SCFD2: variants seen among roughly 807,000 people sequenced by gnomAD.
SCFD2 encodes the protein sec1 family domain-containing protein 2.
A neutral mutation model predicts 58.9 loss-of-function variants in SCFD2; 54 were observed. That is an observed-to-expected ratio of 0.92 (90% CI 0.74 to 1.15). SCFD2 has a LOEUF of 1.15. SCFD2 is among the 50% of genes most tolerant of loss of function. The pLI is 0.00. For synonymous variants in SCFD2, 321 were observed against 335.9 expected (o/e 0.96, Z 0.49); for missense variants, 805 against 836.6 (o/e 0.96, Z 0.47).
intron 4 of SCFD2, among the ~76,000 whole-genome samples, chr4:53,247,297 T>C (rs903681055): frequency 6.6e-6 from 1 of 152,188 alleles, no homozygotes; most frequent in Non-Finnish European, 1.5e-5. Flanking sequence ...TTGTACACTG[T>C]AGGTGGGAGT....
chr4:52,925,551 C>T (rs1428063382), intron 5 of SCFD2, among the ~76,000 whole-genome samples: 1 of 151,980 alleles, frequency 6.6e-6, no homozygotes, highest in Admixed American at 6.6e-5. Context: ...TGAGGCATCC[C>T]GGGCCTGGTT....
At chr4:53,271,520 T>C (rs1425541484) in intron 4 of SCFD2, among the ~76,000 whole-genome samples, 1 of 151,840 alleles carries the variant, frequency 6.6e-6, no homozygotes, top group Non-Finnish European at 1.5e-5. Context: ...TGAAGTGCAG[T>C]GGCACAATCT....
Position 53,365,734 on chromosome 4 carries a change from G to T in SCFD2, c.208C>A (p.Gln70Lys), listed in dbSNP as rs1432959421. 2.5e-6 allele frequency: 4 copies of T among 1,613,940 alleles called. No homozygotes were observed. In the Admixed American group the frequency reaches 5.0e-5, roughly 20 times the overall value. Residue 70 changes from glutamine (Q) to lysine (K), a missense_variant, in exon 1 of 9, where the codon CAG (glutamine) becomes AAG (lysine). By Grantham distance (53) the Gln-to-Lys change is moderately conservative. This residue lies in a region of SCFD2 where 155 missense variants were observed against 149.7 expected (regional missense o/e 1.04). Transcript: ENST00000401642. The surrounding 1 kb of genome is among the most constrained non-coding windows in gnomAD (Gnocchi z 4.3). ...CTCAGCACAAACACTGCCTTGGGCT[G>T]CTTGGCTCCACCACCAATTGCGTCG... ...EPDAIGGGAK[Q>K]PKAVFVLSCL...
At chr4:53,342,993 A>AC (rs1302498073) in intron 2 of SCFD2, among the ~76,000 whole-genome samples, 1 of 152,248 alleles carries the variant, frequency 6.6e-6, no homozygotes, top group Non-Finnish European at 1.5e-5. Flanking sequence ...CTAAATGCCC[A>AC]CAAGAGAAAG....
intron 4 of SCFD2, among the ~76,000 whole-genome samples, chr4:53,249,212 G>C (rs1427579909): frequency 2.0e-5 from 3 of 152,182 alleles, no homozygotes; most frequent in Admixed American, 6.5e-5. Context: ...ATCAGTGATG[G>C]AAGATGAAAT....
intron 4 of SCFD2, among the ~76,000 whole-genome samples, chr4:53,214,008 G>C (rs543902956): frequency 6.7e-6 from 1 of 149,974 alleles, no homozygotes; most frequent in South Asian, 2.1e-4. Flanking sequence ...TGGCTGCATA[G>C]TATCCCATGG....
chr4:53,217,308 T>C (rs1321044061), intron 4 of SCFD2, among the ~76,000 whole-genome samples: 2 of 152,208 alleles, frequency 1.3e-5, no homozygotes, highest in African/African-American at 4.8e-5. Flanking sequence ...TCTAAGGACT[T>C]GCTTTATGAA....
At chr4:53,093,295 A>G (rs1724525338) in intron 5 of SCFD2, among the ~76,000 whole-genome samples, 1 of 152,174 alleles carries the variant, frequency 6.6e-6, no homozygotes, top group Non-Finnish European at 1.5e-5. Flanking sequence ...TTTGACTTAT[A>G]TTTTTAAAAA....
chr4:53,290,718 G>A (rs1560430481), intron 3 of SCFD2, among the ~76,000 whole-genome samples: 2 of 150,970 alleles, frequency 1.3e-5, no homozygotes, highest in African/African-American at 4.9e-5. Flanking sequence ...GATTAACTCA[G>A]AAAAAAAAGA....
In SCFD2 at chr4:52,936,126, C is replaced by T. The variant is rs147962491; in HGVS notation, c.1562-15256G>A. ...TGCTGGGATTACAGGTGTGAGCCAC[C>T]GCACCCAGACTTCCTTTCCTTTTTC... On this transcript the variant is annotated intron_variant, in intron 5 of 8. Coordinates refer to ENST00000401642, the MANE Select transcript of SCFD2 (RefSeq NM_152540.4). Among the ~76,000 whole-genome samples, 1,332 of 152,224 alleles carry T rather than the reference C, an allele frequency of 8.8e-3. 10 individuals carry two copies. Among genetic ancestry groups the T allele is most frequent in the African/African-American group, 0.029 (1,207 of 41,522 alleles).
At chr4:53,038,351 A>G (rs1722814249) in intron 5 of SCFD2, among the ~76,000 whole-genome samples, 1 of 152,166 alleles carries the variant, frequency 6.6e-6, no homozygotes. Context: ...AAATCTGCCA[A>G]AATGAAATCA....
At chr4:53,155,321 T>C (rs1726643284) in intron 4 of SCFD2, among the ~76,000 whole-genome samples, 1 of 152,180 alleles carries the variant, frequency 6.6e-6, no homozygotes, top group Admixed American at 6.5e-5. Context: ...CCCTCATGGG[T>C]GGGACTGGTG....
chr4:53,119,140 A>G (rs572342446), intron 5 of SCFD2, among the ~76,000 whole-genome samples: 2 of 152,292 alleles, frequency 1.3e-5, no homozygotes, highest in East Asian at 1.9e-4. Context: ...CAACATAGTG[A>G]AACACTGTCT....
intron 5 of SCFD2, among the ~76,000 whole-genome samples, chr4:52,952,297 C>T (rs1474708202): frequency 1.3e-5 from 2 of 148,740 alleles, no homozygotes; most frequent in Non-Finnish European, 3.0e-5. Flanking sequence ...CCTCTCACAC[C>T]TCTGCCCCAA....
chr4:53,012,646 C>A (rs1278115533), intron 5 of SCFD2, among the ~76,000 whole-genome samples: 1 of 152,122 alleles, frequency 6.6e-6, no homozygotes, highest in Non-Finnish European at 1.5e-5. Flanking sequence ...TACCCCATTT[C>A]ATTTTCTTAG....
intron 4 of SCFD2, among the ~76,000 whole-genome samples, chr4:53,194,709 T>A (rs1728009446): frequency 6.6e-6 from 1 of 152,172 alleles, no homozygotes; most frequent in African/African-American, 2.4e-5. Context: ...CCATCTTTTA[T>A]CTTAATCCTT....
intron 4 of SCFD2, among the ~76,000 whole-genome samples, chr4:53,261,412 G>A (rs1730824956): frequency 6.6e-6 from 1 of 151,996 alleles, no homozygotes; most frequent in African/African-American, 2.4e-5. Flanking sequence ...GTATCCTAGA[G>A]GTTTTGATAG....
intron 5 of SCFD2, among the ~76,000 whole-genome samples, chr4:52,943,340 A>G (rs1361797655): frequency 6.6e-6 from 1 of 152,196 alleles, no homozygotes; most frequent in African/African-American, 2.4e-5. Context: ...GCTATAACAG[A>G]ATATTTCAGA....
intron 5 of SCFD2, among the ~76,000 whole-genome samples, chr4:53,116,510 G>A (rs1461300126): frequency 6.6e-6 from 1 of 152,200 alleles, no homozygotes; most frequent in Non-Finnish European, 1.5e-5. Context: ...TCAGGGGACA[G>A]AGAAGCAGAA....
Sources: gnomAD v4.1 joint callset for allele counts (sites outside exome capture counted in the v4.1 genomes callset) on GRCh38, gnomAD v4.1.1 for gene constraint, gnomAD v4.1.1 regional missense constraint, Gnocchi (gnomAD v3.1) non-coding constraint, MANE v1.5 for transcripts, NCBI Gene and HGNC (gene_info 2026-07-23, HGNC 2026-07-21) for gene names.